Variants in ROBO1 observed in about 807,000 individuals in gnomAD.
ROBO1 encodes the protein roundabout homolog 1.
Under a neutral mutation model 195.9 loss-of-function variants are expected in ROBO1, and 149 were observed. The observed-to-expected ratio is 0.76, with a 90% CI of 0.67 to 0.87. The LOEUF (loss-of-function observed/expected upper bound fraction) is 0.87, where lower values mean the gene tolerates loss of function less well. Among genes scored for constraint, ROBO1 ranks in the 40% least tolerant of loss-of-function variants. The pLI, the probability that ROBO1 is intolerant of heterozygous loss-of-function variation, is 0.00. For synonymous variants in ROBO1, 816 were observed against 733.2 expected (o/e 1.11, Z -1.82); for missense variants, 1,933 against 2,068.3 (o/e 0.93, Z 1.27).
rs527366850 is a variant in ROBO1 at position 79,449,715 on chromosome 3, T to C, written c.88+140109A>G. On this transcript the variant is annotated intron_variant, in intron 2 of 30. Transcript: ENST00000464233. ...GGAAAGTCATGTTATAGTTTGATGA[T>C]AAATATCTAAATAGTTAATACATTT... Among the ~76,000 whole-genome samples, 38 of 152,312 alleles carry C rather than the reference T, an allele frequency of 2.5e-4. No individual in the cohort carries two copies. In the South Asian group the frequency reaches 7.9e-3, roughly 32 times the overall value.
At chr3:79,723,789 A>G (rs892629464) in intron 1 of ROBO1, among the ~76,000 whole-genome samples, 1 of 103,830 alleles carries the variant, frequency 9.6e-6, no homozygotes, top group Admixed American at 1.2e-4. Flanking sequence ...AGTAATTTTA[A>G]GATTTGTTTC....
At chr3:78,872,195 G>A (rs2035591359) in intron 4 of ROBO1, among the ~76,000 whole-genome samples, 1 of 152,116 alleles carries the variant, frequency 6.6e-6, no homozygotes, top group Non-Finnish European at 1.5e-5. Context: ...ACTCTTTTCT[G>A]TGACTACTTG....
Position 79,581,780 on chromosome 3 carries a change from T to C in ROBO1, c.88+8044A>G, listed in dbSNP as rs553231422. Among the ~76,000 whole-genome samples, 7 of 152,096 alleles carry C rather than the reference T, an allele frequency of 4.6e-5. No homozygotes were observed. In the South Asian group the frequency reaches 1.5e-3, roughly 32 times the overall value. ...TTTAAGTAAAAGCTCAAGAAACATA[T>C]AGAATGAAAGAACTTTAAAAAAATT... On this transcript the variant is annotated intron_variant, in intron 2 of 30. Transcript: ENST00000464233.
At chr3:79,420,727 A>T (rs1267487617) in intron 2 of ROBO1, among the ~76,000 whole-genome samples, 1 of 152,192 alleles carries the variant, frequency 6.6e-6, no homozygotes, top group Non-Finnish European at 1.5e-5. Flanking sequence ...TTAAAAATTA[A>T]AAAATAACAG....
intron 4 of ROBO1, among the ~76,000 whole-genome samples, chr3:78,912,376 C>T (rs2038297335): frequency 6.6e-6 from 1 of 152,082 alleles, no homozygotes; most frequent in Non-Finnish European, 1.5e-5. Flanking sequence ...AAAATACCAG[C>T]TGTCTCCACT....
chr3:79,491,427 C>T (rs1160342466), intron 2 of ROBO1, among the ~76,000 whole-genome samples: 1 of 152,086 alleles, frequency 6.6e-6, no homozygotes, highest in African/African-American at 2.4e-5. Flanking sequence ...CTACAACTTG[C>T]AGATGCTAAC....
chr3:79,039,759 G>A lies in ROBO1; in HGVS notation c.172+85697C>T, dbSNP rs1176399857. Reference sequence around the variant, plus strand: ...GAGGTTGCAGGTGACCCGAGATCGCGCCACTGTGCTCCAGCCTGGGCTACA... The same window carrying A: ...GAGGTTGCAGGTGACCCGAGATCGCACCACTGTGCTCCAGCCTGGGCTACA... On this transcript the variant is annotated intron_variant, in intron 3 of 30. Transcript: ENST00000464233. Among the ~76,000 whole-genome samples, 39 of 116,444 alleles carry A rather than the reference G, an allele frequency of 3.3e-4. No individual in the cohort carries two copies. In the Admixed American group the frequency reaches 4.6e-3, roughly 14 times the overall value. 76.4% of individuals were successfully genotyped at this position (116,444 alleles called of 152,430 possible). A position where few individuals can be genotyped will look rare whatever the true frequency, so the allele number is the denominator to read the frequency against.
chr3:78,794,439 T>C (rs1394518610), intron 4 of ROBO1, among the ~76,000 whole-genome samples: 1 of 152,172 alleles, frequency 6.6e-6, no homozygotes, highest in East Asian at 1.9e-4. Context: ...GACCTTGGAG[T>C]TGGAAGGGGG....
At chr3:79,314,248 G>T (rs1414390250) in intron 2 of ROBO1, among the ~76,000 whole-genome samples, 3 of 152,104 alleles carry the variant, frequency 2.0e-5, no homozygotes, top group Non-Finnish European at 2.9e-5. Flanking sequence ...TAAAAAACCT[G>T]ATGTAAGACT....
chr3:79,575,864 T>C (rs981196253), intron 2 of ROBO1, among the ~76,000 whole-genome samples: 1 of 151,878 alleles, frequency 6.6e-6, no homozygotes, highest in Non-Finnish European at 1.5e-5. Flanking sequence ...TTCACAATTG[T>C]CATATGTTTC....
intron 4 of ROBO1, among the ~76,000 whole-genome samples, chr3:78,853,570 T>C (rs926051896): frequency 4.6e-5 from 7 of 151,952 alleles, no homozygotes; most frequent in Admixed American, 3.9e-4. Flanking sequence ...AACAGCAGTC[T>C]AGATGTTGCT....
intron 2 of ROBO1, among the ~76,000 whole-genome samples, chr3:79,376,206 T>G (rs1405767054): frequency 6.6e-6 from 1 of 152,188 alleles, no homozygotes; most frequent in Non-Finnish European, 1.5e-5. Context: ...ACAAATTGCC[T>G]TATTTCCCAA....
At chr3:79,344,634 T>A (rs550394271) in intron 2 of ROBO1, among the ~76,000 whole-genome samples, 1 of 152,244 alleles carries the variant, frequency 6.6e-6, no homozygotes, top group East Asian at 1.9e-4. Context: ...AGGTGTGATG[T>A]TAATTGAGTT....
At chr3:78,837,502 T>C (rs1320826945) in intron 4 of ROBO1, among the ~76,000 whole-genome samples, 1 of 152,164 alleles carries the variant, frequency 6.6e-6, no homozygotes, top group African/African-American at 2.4e-5. Context: ...GTGGGTAGAA[T>C]TATTAAATTC....
chr3:79,275,778 T>A (rs2030981643), intron 2 of ROBO1, among the ~76,000 whole-genome samples: 1 of 151,856 alleles, frequency 6.6e-6, no homozygotes, highest in Non-Finnish European at 1.5e-5. Context: ...ACAAATTCAG[T>A]AAAATTGCAG....
At chr3:78,605,466 G>A (rs1703412705) in intron 29 of ROBO1, among the ~76,000 whole-genome samples, 2 of 152,178 alleles carry the variant, frequency 1.3e-5, no homozygotes, top group Admixed American at 1.3e-4. Flanking sequence ...ACAGAAGTAA[G>A]CAAATGGCTA....
intron 4 of ROBO1, among the ~76,000 whole-genome samples, chr3:78,907,340 T>G (rs1327622613): frequency 1.3e-5 from 2 of 151,988 alleles, no homozygotes; most frequent in African/African-American, 2.4e-5. Flanking sequence ...TATGAATGAA[T>G]CTAGCACAGT....
At chr3:79,686,109 C>G (rs1332905988) in intron 1 of ROBO1, among the ~76,000 whole-genome samples, 1 of 152,080 alleles carries the variant, frequency 6.6e-6, no homozygotes, top group Non-Finnish European at 1.5e-5. Flanking sequence ...TAAACAGAAC[C>G]AAGGACAAAA....
intron 2 of ROBO1, among the ~76,000 whole-genome samples, chr3:79,495,180 A>C (rs1160777774): frequency 2.6e-5 from 4 of 152,332 alleles, no homozygotes; most frequent in African/African-American, 7.2e-5. Flanking sequence ...AATGTAATTT[A>C]ATAAATAATC....
Sources: gnomAD v4.1 joint callset for allele counts (sites outside exome capture counted in the v4.1 genomes callset) on GRCh38, gnomAD v4.1.1 for gene constraint, MANE v1.5 for transcripts, NCBI Gene and HGNC (gene_info 2026-07-23, HGNC 2026-07-21) for gene names.